Variants in AGBL4 observed in about 807,000 individuals in gnomAD.
AGBL4 encodes AGBL carboxypeptidase 4, also known as cytosolic carboxypeptidase 6.
In AGBL4, 58 loss-of-function variants were observed where a neutral mutation model predicts 66.4. That is an observed-to-expected ratio of 0.87 (90% confidence interval 0.71 to 1.09). The LOEUF is 1.09. AGBL4 is among the 50% of genes least tolerant of loss of function. The pLI is 0.00. For synonymous variants in AGBL4, 234 were observed against 222.9 expected, an observed-to-expected ratio of 1.05 and a Z score of -0.44; for missense variants, 579 against 631.0, an observed-to-expected ratio of 0.92 and a Z score of 0.88.
At chr1:48,886,184 G>A (rs1320285405) in intron 5 of AGBL4, among the ~76,000 whole-genome samples, 2 of 152,186 alleles carry the variant, frequency 1.3e-5, no homozygotes, top group Non-Finnish European at 2.9e-5. Context: ...ACTCCAGAGA[G>A]TTTTAAGACA....
intron 3 of AGBL4, among the ~76,000 whole-genome samples, chr1:49,297,143 C>T (rs560253274): frequency 5.9e-5 from 9 of 152,204 alleles, no homozygotes; most frequent in Non-Finnish European, 1.2e-4. Context: ...TCCCTAGTTT[C>T]TATTCCATTG....
chr1:48,823,012 T>C (rs775258777), intron 6 of AGBL4, among the ~76,000 whole-genome samples: 4 of 152,236 alleles, frequency 2.6e-5, no homozygotes, highest in African/African-American at 7.2e-5. Context: ...TTTCATTCCA[T>C]TGCATTGCAC....
chr1:49,796,412 TA>T (rs1644730150), intron 2 of AGBL4, among the ~76,000 whole-genome samples: 1 of 151,708 alleles, frequency 6.6e-6, no homozygotes, highest in Non-Finnish European at 1.5e-5. Context: ...TTATTAAAAA[TA>T]GTAACACTAG....
chr1:49,299,410 G>A (rs1644703583), intron 3 of AGBL4, among the ~76,000 whole-genome samples: 1 of 152,084 alleles, frequency 6.6e-6, no homozygotes, highest in Non-Finnish European at 1.5e-5. Context: ...TATTAAATTA[G>A]CTACCTCTCT....
At chr1:49,455,325 C>A (rs941993257) in intron 3 of AGBL4, among the ~76,000 whole-genome samples, 3 of 151,654 alleles carry the variant, frequency 2.0e-5, no homozygotes, top group African/African-American at 7.3e-5. Context: ...CTTTGGATTA[C>A]CTCATCTATA....
intron 1 of AGBL4, chr1:49,995,494 C>T (rs895174900): frequency 1.4e-5 from 5 of 347,082 alleles, no homozygotes; most frequent in Non-Finnish European, 2.3e-5. Context: ...TGAAGCAGGC[C>T]CTGCCCAAGA....
At chr1:49,857,072 T>A (rs930625461) in intron 1 of AGBL4, among the ~76,000 whole-genome samples, 2 of 151,766 alleles carry the variant, frequency 1.3e-5, no homozygotes, top group Non-Finnish European at 2.9e-5. Flanking sequence ...CATAACTATT[T>A]CTATACATGA....
At chr1:49,748,405 C>A (rs1198870797) in intron 2 of AGBL4, among the ~76,000 whole-genome samples, 2 of 152,056 alleles carry the variant, frequency 1.3e-5, no homozygotes, top group Non-Finnish European at 2.9e-5. Context: ...TTTATCCAGT[C>A]ATCATTGATG....
At chr1:49,003,671 C>T (rs988666498) in intron 5 of AGBL4, among the ~76,000 whole-genome samples, 4 of 152,082 alleles carry the variant, frequency 2.6e-5, no homozygotes, top group African/African-American at 7.2e-5. Context: ...CACAGTTACT[C>T]GTGTATGAGT....
chr1:48,997,847 G>A (rs1377187428), intron 5 of AGBL4, among the ~76,000 whole-genome samples: 1 of 152,198 alleles, frequency 6.6e-6, no homozygotes, highest in Non-Finnish European at 1.5e-5. Flanking sequence ...GGTGTATATT[G>A]TCATCATTAC....
intron 4 of AGBL4, among the ~76,000 whole-genome samples, chr1:49,064,919 A>G (rs1644465772): frequency 6.6e-6 from 1 of 152,202 alleles, no homozygotes; most frequent in African/African-American, 2.4e-5. Context: ...AGGATTCCCA[A>G]TCTATAAGGT....
At chr1:48,836,483 T>C (rs1646674978) in intron 6 of AGBL4, among the ~76,000 whole-genome samples, 1 of 151,972 alleles carries the variant, frequency 6.6e-6, no homozygotes, top group Non-Finnish European at 1.5e-5. Context: ...CTCATGCCAG[T>C]AGCTTGATGA....
At chr1:49,636,993 G>A (rs896214919) in intron 3 of AGBL4, among the ~76,000 whole-genome samples, 15 of 152,118 alleles carry the variant, frequency 9.9e-5, no homozygotes, top group African/African-American at 2.2e-4. Context: ...CTGCCAGTGC[G>A]GCTAGAATAT....
At chr1:48,882,142 T>C (rs1218468765) in intron 5 of AGBL4, among the ~76,000 whole-genome samples, 1 of 152,168 alleles carries the variant, frequency 6.6e-6, no homozygotes, top group East Asian at 1.9e-4. Flanking sequence ...TAGTCTCAGG[T>C]AGTCATATAC....
At chr1:48,694,020 T>C (rs1172756548) in intron 6 of AGBL4, among the ~76,000 whole-genome samples, 3 of 144,786 alleles carry the variant, frequency 2.1e-5, no homozygotes, top group African/African-American at 7.9e-5. Context: ...GTACCTGCTC[T>C]GTCCCCTGAC....
At chr1:49,628,742 T>A (rs926365555) in intron 3 of AGBL4, among the ~76,000 whole-genome samples, 2 of 152,200 alleles carry the variant, frequency 1.3e-5, no homozygotes, top group Non-Finnish European at 2.9e-5. Flanking sequence ...GCAGGAGACT[T>A]AACATAGTCT....
intron 4 of AGBL4, among the ~76,000 whole-genome samples, chr1:49,146,904 A>G (rs931397532): frequency 1.3e-5 from 2 of 152,250 alleles, no homozygotes; most frequent in Non-Finnish European, 2.9e-5. Flanking sequence ...AGGGAGCACA[A>G]TGCCTCCAAG....
chr1:49,994,143 A>G (rs1660174704), intron 1 of AGBL4, among the ~76,000 whole-genome samples: 1 of 152,216 alleles, frequency 6.6e-6, no homozygotes, highest in Admixed American at 6.5e-5. Flanking sequence ...AAAACAGAAG[A>G]AGCCAGACAT....
At chr1:49,768,853 G>A (rs1643970472) in intron 2 of AGBL4, among the ~76,000 whole-genome samples, 1 of 151,720 alleles carries the variant, frequency 6.6e-6, no homozygotes. Context: ...CAAAAATCAG[G>A]ACTTTTTTTT....
Sources: allele counts gnomAD v4.1 joint callset (sites outside exome capture counted in the v4.1 genomes callset), GRCh38; gene constraint gnomAD v4.1.1; transcripts MANE v1.5; gene names NCBI Gene and HGNC (gene_info 2026-07-23, HGNC 2026-07-21).